The following CCDC93 variants were observed in gnomAD, a reference collection of about 807,000 sequenced individuals.
CCDC93 encodes the protein CCC complex scaffolding subunit CCDC93.
In CCDC93, 61 loss-of-function variants were observed where a neutral mutation model predicts 108.2. That is an observed-to-expected ratio of 0.56 (90% confidence interval 0.46 to 0.70). CCDC93 has a LOEUF of 0.70. CCDC93 is among the 30% of genes least tolerant of loss of function. The probability of loss-of-function intolerance (pLI) is 0.00; values close to 1 mark genes in which losing one functional copy is unlikely to be tolerated. For missense variants in CCDC93, 685 were observed against 764.2 expected (o/e 0.90, Z 1.22); for synonymous variants, 276 against 260.4 (o/e 1.06, Z -0.58).
At position 118,000,887 on chromosome 2, in the gene CCDC93, G is replaced by A. The variant is rs755696659; in HGVS notation, c.297C>T (p.Cys99=). Residue 99 remains cysteine (C), a synonymous_variant, in exon 4 of 24, where the codon TGC becomes TGT. Coordinates refer to ENST00000376300, the MANE Select transcript of CCDC93 (RefSeq NM_019044.5). ...TCTGGTGGGGCTCCAGCTGGTGTGG[G>A]CATTTCATCCTTGGCAGGACCGAGA... ...KIVSVLPRMK[C]PHQLEPHQIQ... 3.1e-6 allele frequency: 5 copies of A among 1,613,722 alleles called. No individual in the cohort carries two copies. In the Admixed American group the frequency reaches 6.7e-5, roughly 22 times the overall value.
intron 8 of CCDC93, 24 bp downstream of exon 8, chr2:117,977,970 T>G (rs1679996460): frequency 3.7e-6 from 6 of 1,607,054 alleles, no homozygotes; most frequent in Non-Finnish European, 5.1e-6. Flanking sequence ...AAGTATTCTC[T>G]CTTACTATCA....
chr2:117,955,117 C>A (rs1026445459), intron 12 of CCDC93, among the ~76,000 whole-genome samples: 2 of 152,136 alleles, frequency 1.3e-5, no homozygotes, highest in Non-Finnish European at 2.9e-5. Context: ...AGTACCTCCC[C>A]TTCATAAGGA....
intron 11 of CCDC93, 120 bp from the exon 12 acceptor site, chr2:117,958,601 C>T: frequency 1.5e-6 from 1 of 688,136 alleles, no homozygotes; most frequent in East Asian, 2.5e-5. Context: ...CAAGCCAGGG[C>T]ATTTACAGAG....
intron 23 of CCDC93, among the ~76,000 whole-genome samples, chr2:117,929,259 A>AT (rs1188137911): frequency 1.3e-5 from 2 of 152,242 alleles, no homozygotes; most frequent in Non-Finnish European, 2.9e-5. Context: ...TTAAAGTATA[A>AT]TAAAAAAAAG....
intron 11 of CCDC93, among the ~76,000 whole-genome samples, chr2:117,962,734 C>G (rs1005121966): frequency 7.2e-5 from 11 of 152,254 alleles, no homozygotes; most frequent in African/African-American, 2.6e-4. Flanking sequence ...TGTTAAATTT[C>G]GGAAGGCCAA....
chr2:117,967,330 A>T (rs1679619255), intron 11 of CCDC93, among the ~76,000 whole-genome samples: 1 of 152,228 alleles, frequency 6.6e-6, no homozygotes, highest in African/African-American at 2.4e-5. Context: ...AGACCACATT[A>T]ATGTGGTATT....
intron 12 of CCDC93, among the ~76,000 whole-genome samples, chr2:117,953,330 T>C (rs1679117725): frequency 6.6e-6 from 1 of 152,110 alleles, no homozygotes; most frequent in Admixed American, 6.6e-5. Flanking sequence ...ATAGTTATAA[T>C]TCCAACAAGG....
At chr2:117,940,607 A>G (rs992601292) in intron 19 of CCDC93, among the ~76,000 whole-genome samples, 6 of 152,210 alleles carry the variant, frequency 3.9e-5, no homozygotes, top group South Asian at 2.1e-4. Flanking sequence ...ATGTGTGGCT[A>G]GGGGACTTGG....
chr2:117,982,659 A>C (rs552306353), intron 7 of CCDC93, among the ~76,000 whole-genome samples: 1 of 151,564 alleles, frequency 6.6e-6, no homozygotes, highest in Admixed American at 6.6e-5. Flanking sequence ...TCTAGAAGTC[A>C]AAATACTTTC....
In CCDC93 at chr2:118,014,018, G is replaced by A; in HGVS notation, c.-23C>T. The A allele has an allele frequency of 6.3e-7, 1 of 1,591,922 alleles. No individual in the cohort carries two copies. Among genetic ancestry groups the A allele is most frequent in the African/African-American group, 1.3e-5 (1 of 74,750 alleles). On this transcript the variant is annotated 5_prime_UTR_variant, in exon 1 of 24. Coordinates refer to ENST00000376300, the MANE Select transcript of CCDC93 (RefSeq NM_019044.5). Reference sequence around the variant, plus strand: ...CATGATCCGACCGGGCTGTCGTAAGGCGAGAGCGAAGCCCGCCAAGCGTCC... The same window carrying A: ...CATGATCCGACCGGGCTGTCGTAAGACGAGAGCGAAGCCCGCCAAGCGTCC...
intron 7 of CCDC93, among the ~76,000 whole-genome samples, chr2:117,984,344 G>GT (rs1680249705): frequency 6.6e-6 from 1 of 152,180 alleles, no homozygotes; most frequent in Non-Finnish European, 1.5e-5. Flanking sequence ...CACTCTCAGA[G>GT]TTTGAGAAGA....
At chr2:117,927,779 C>G (rs528103887) in intron 23 of CCDC93, among the ~76,000 whole-genome samples, 1 of 152,032 alleles carries the variant, frequency 6.6e-6, no homozygotes, top group Non-Finnish European at 1.5e-5. Flanking sequence ...CATATGGAAC[C>G]AAAAAACAGC....
chr2:117,926,120 T>G (rs942854343), intron 23 of CCDC93, among the ~76,000 whole-genome samples: 8 of 151,102 alleles, frequency 5.3e-5, no homozygotes, highest in Non-Finnish European at 1.0e-4. Context: ...TTCAAAGCAG[T>G]GTGTAGAGGG....
chr2:117,976,042 T>A (rs1460529366), intron 8 of CCDC93, among the ~76,000 whole-genome samples: 1 of 152,184 alleles, frequency 6.6e-6, no homozygotes, highest in Non-Finnish European at 1.5e-5. Context: ...GATCCCTGCA[T>A]GTTAAGGACT....
intron 9 of CCDC93, 67 bp downstream of exon 9, chr2:117,975,120 GA>G: frequency 7.2e-7 from 1 of 1,392,124 alleles, no homozygotes; most frequent in South Asian, 1.2e-5. Context: ...GAACGCTAGG[GA>G]TAAGAGTACG....
rs563592923 is a variant in CCDC93, at chr2:117,937,587, T to G, written c.1606-848A>C. 5.3e-5 allele frequency among the ~76,000 whole-genome samples: 8 copies of G among 152,356 alleles called. No homozygotes were observed. In the South Asian group the frequency reaches 1.7e-3, roughly 32 times the overall value. On this transcript the variant is annotated intron_variant, in intron 20 of 23. Transcript: ENST00000376300. The stretch of plus-strand genomic sequence containing the variant: ...AATTAGAAAGCCCAGCTCCCCAGTC[T>G]GCCTCGCAATATTCCTAGTTTTTAA...
chr2:117,954,325 G>A (rs902845559), intron 12 of CCDC93, among the ~76,000 whole-genome samples: 9 of 152,160 alleles, frequency 5.9e-5, no homozygotes, highest in Non-Finnish European at 1.0e-4. Flanking sequence ...CTCACCAGGG[G>A]GTTCAGGAAA....
Position 117,932,175 on chromosome 2 carries a change from C to T in CCDC93, c.1729-1025G>A, listed in dbSNP as rs1318360631. On this transcript the variant is annotated intron_variant, in intron 22 of 23. Transcript: ENST00000376300. ...TGTCTGGAAGGTAAACCCAGAGAATCAGCCAGGAAATGAGGGCAGTAAGAG... is the reference window on the plus strand; with the variant it reads ...TGTCTGGAAGGTAAACCCAGAGAATTAGCCAGGAAATGAGGGCAGTAAGAG... Among the ~76,000 whole-genome samples the T allele has an allele frequency of 5.3e-5, 8 of 152,132 alleles. No individual in the cohort carries two copies. The East Asian group carries it at 1.5e-3, about 29-fold the overall frequency.
intron 11 of CCDC93, among the ~76,000 whole-genome samples, chr2:117,973,608 G>GA (rs1320961218): frequency 6.6e-6 from 1 of 152,040 alleles, no homozygotes; most frequent in Admixed American, 6.6e-5. Flanking sequence ...TGATAGAAAA[G>GA]AAAAAATGCT....
Sources: gnomAD v4.1 joint callset for allele counts (sites outside exome capture counted in the v4.1 genomes callset) on GRCh38, gnomAD v4.1.1 for gene constraint, MANE v1.5 for transcripts, NCBI Gene and HGNC (gene_info 2026-07-23, HGNC 2026-07-21) for gene names.